The following BLVRB variants were observed in gnomAD, a reference collection of about 807,000 sequenced individuals.
BLVRB encodes the protein flavin reductase (NADPH).
In BLVRB, 25 loss-of-function variants were observed where a neutral mutation model predicts 21.1. The ratio of observed to expected loss-of-function variants is 1.19; its 90% CI spans 0.86 to 1.66. The LOEUF (loss-of-function observed/expected upper bound fraction) is 1.66. BLVRB is among the 40% of genes most tolerant of loss of function. BLVRB has a pLI of 0.00. For synonymous variants in BLVRB, 128 were observed against 122.2 expected (o/e 1.05, Z -0.31); for missense variants, 274 against 282.7 (o/e 0.97, Z 0.22).
intron 1 of BLVRB, among the ~76,000 whole-genome samples, chr19:40,460,520 A>T (rs1466331813): frequency 6.6e-6 from 1 of 151,000 alleles, no homozygotes; most frequent in Non-Finnish European, 1.5e-5. Context: ...AGTCTCAGCT[A>T]CTCAGGTGGC....
At chr19:40,448,077 A>C in intron 4 of BLVRB, 31 bp from the exon 5 acceptor site, 1 of 1,593,066 alleles carries the variant, frequency 6.3e-7, no homozygotes, top group Non-Finnish European at 8.6e-7. Flanking sequence ...GGGCTGGATA[A>C]AGCAGACACC....
chr19:40,459,972 G>T (rs1028348935), intron 1 of BLVRB, among the ~76,000 whole-genome samples: 1 of 152,108 alleles, frequency 6.6e-6, no homozygotes, highest in Admixed American at 6.6e-5. Flanking sequence ...TTCTGAGGGG[G>T]ACATGGGTTG....
chr19:40,455,575 G>A (rs547562134), intron 3 of BLVRB, among the ~76,000 whole-genome samples: 2 of 152,320 alleles, frequency 1.3e-5, no homozygotes, highest in African/African-American at 4.8e-5. Flanking sequence ...GCAGGCACCT[G>A]TAATCCCAGC....
intron 3 of BLVRB, among the ~76,000 whole-genome samples, chr19:40,452,400 C>G (rs1385990259): frequency 6.6e-6 from 1 of 152,024 alleles, no homozygotes; most frequent in African/African-American, 2.4e-5. Context: ...GCAGCCTTGA[C>G]TTTCTGGGCT....
chr19:40,462,824 G>A (rs572435879), intron 1 of BLVRB, among the ~76,000 whole-genome samples: 17 of 147,314 alleles, frequency 1.2e-4, no homozygotes, highest in Admixed American at 8.8e-4. Context: ...CTCGGGAGGC[G>A]GAGCTTGCAG....
chr19:40,448,155 G>T lies in BLVRB; in HGVS notation c.464-109C>A, dbSNP rs12459890. On this transcript the variant is annotated intron_variant, in intron 4 of 4. Coordinates refer to ENST00000263368, the MANE Select transcript of BLVRB (RefSeq NM_000713.3). Reference sequence around the variant, plus strand: ...GGGTGCCTACTGTGTGTCCAGCCTGGGTGGTGTCACAGCCAAGAATGGACT... The same window carrying T: ...GGGTGCCTACTGTGTGTCCAGCCTGTGTGGTGTCACAGCCAAGAATGGACT... The T allele has an allele frequency of 9.0e-3, 11,044 of 1,231,518 alleles. 621 individuals are homozygous for T. The Admixed American group carries it at 0.15, about 17-fold the overall frequency. The allele number at this position is 1,231,518 out of a possible 1,614,324, so 76.3% of individuals were successfully genotyped here.
rs563411888 is a variant in BLVRB at position 40,458,238 on chromosome 19, G to T, written c.251C>A (p.Thr84Lys). The change falls in exon 3 of 5, where the codon ACG (threonine) becomes AAG (lysine). Residue 84 changes from threonine (T) to lysine (K), a missense_variant. Coordinates refer to ENST00000263368, the MANE Select transcript of BLVRB (RefSeq NM_000713.3). ...LLGTRNDLSP[T>K]TVMSEGARNI... ...CCGGGCGCCCTCGGACATCACTGTC[G>T]TGGGACCTTAGAGGGGACAGAGAGT... 7 of 1,612,980 alleles carry T rather than the reference G, an allele frequency of 4.3e-6. No individual in the cohort carries two copies. The highest frequency in any genetic ancestry group is 3.3e-4 in the Middle Eastern group (2 of 6,070).
intron 3 of BLVRB, among the ~76,000 whole-genome samples, chr19:40,453,078 A>T (rs1453621503): frequency 1.3e-5 from 2 of 152,062 alleles, no homozygotes; most frequent in Admixed American, 6.6e-5. Context: ...AAAAAGAAAA[A>T]AACATTTTTT....
intron 1 of BLVRB, among the ~76,000 whole-genome samples, chr19:40,462,562 G>T (rs1315267919): frequency 6.7e-6 from 1 of 150,054 alleles, no homozygotes; most frequent in Admixed American, 6.6e-5. Flanking sequence ...ACAGGCGTGA[G>T]CCATGGTGCC....
intron 3 of BLVRB, among the ~76,000 whole-genome samples, chr19:40,455,140 C>T (rs1157182641): frequency 1.3e-5 from 2 of 152,138 alleles, no homozygotes; most frequent in Admixed American, 6.5e-5. Flanking sequence ...AGCCACTGTG[C>T]CTGGCCTTAC....
rs2145776728 is a variant in BLVRB at position 40,450,448 on chromosome 19, T to G, written c.463+916A>C. 2.8e-5 allele frequency: 4 copies of G among 145,416 alleles called. No individual in the cohort carries two copies. In the Middle Eastern group the frequency reaches 0.014, roughly 501 times the overall value. The allele number at this position is 145,416 out of a possible 1,614,324, so 9.0% of individuals were successfully genotyped here. On this transcript the variant is annotated intron_variant, in intron 4 of 4. Transcript: ENST00000263368. The stretch of plus-strand genomic sequence containing the variant: ...TTTCACCATGTTAGCCAGGATGGTC[T>G]CGATCTCCTGACCTTGTGATCTGCC...
chr19:40,459,044 C>G (rs574255866), intron 1 of BLVRB, among the ~76,000 whole-genome samples: 1 of 151,544 alleles, frequency 6.6e-6, no homozygotes, highest in African/African-American at 2.4e-5. Flanking sequence ...ATAGACCATA[C>G]CTTGGCCAGG....
At chr19:40,455,806 A>G (rs1021554553) in intron 3 of BLVRB, among the ~76,000 whole-genome samples, 6 of 152,150 alleles carry the variant, frequency 3.9e-5, no homozygotes, top group Non-Finnish European at 8.8e-5. Context: ...CACAATCACA[A>G]TTTTAAAATC....
At position 40,448,545 on chromosome 19, in the gene BLVRB, C is replaced by T. The variant is rs1191548042; in HGVS notation, c.464-499G>A. ...AGTTGAAGCTACAGTGAGCCATGAT[C>T]GTGACACTGCACTCCAGCCGGGACG... On this transcript the variant is annotated intron_variant, in intron 4 of 4. Coordinates refer to ENST00000263368, the MANE Select transcript of BLVRB (RefSeq NM_000713.3). 2.0e-5 allele frequency among the ~76,000 whole-genome samples: 3 copies of T among 149,580 alleles called. No individual in the cohort carries two copies. The Admixed American group carries it at 2.0e-4, about 10-fold the overall frequency.
intron 1 of BLVRB, among the ~76,000 whole-genome samples, chr19:40,461,796 G>C (rs570986226): frequency 2.0e-5 from 3 of 152,072 alleles, no homozygotes; most frequent in African/African-American, 7.2e-5. Flanking sequence ...CACTGCACCC[G>C]GCCCCAACTG....
intron 3 of BLVRB, among the ~76,000 whole-genome samples, chr19:40,456,826 A>T (rs2079764108): frequency 6.6e-6 from 1 of 151,966 alleles, no homozygotes; most frequent in African/African-American, 2.4e-5. Context: ...TCTTGGTCCC[A>T]GGCACCATGA....
At chr19:40,458,728 C>T (rs577546037) in intron 1 of BLVRB, among the ~76,000 whole-genome samples, 183 bp from the exon 2 acceptor site, 5 of 152,068 alleles carry the variant, frequency 3.3e-5, no homozygotes, top group Non-Finnish European at 5.9e-5. Context: ...GGGTCTTGCT[C>T]ACTTGCCCAG....
In BLVRB at chr19:40,447,830, G is replaced by A; in HGVS notation, c.*59C>T. ...TGAAGCTCTTGGCTCAACATTTATT[G>A]CCCCCTTCCTTTGCTCCTCATGTCC... On this transcript the variant is annotated 3_prime_UTR_variant, in exon 5 of 5. Transcript: ENST00000263368. 1.9e-6 allele frequency: 3 copies of A among 1,565,218 alleles called. No homozygotes were observed. Among genetic ancestry groups the A allele is most frequent in the Non-Finnish European group, 8.8e-7 (1 of 1,142,790 alleles).
chr19:40,460,580 C>T (rs2079782844), intron 1 of BLVRB, among the ~76,000 whole-genome samples: 1 of 151,250 alleles, frequency 6.6e-6, no homozygotes, highest in African/African-American at 2.4e-5. Context: ...GCCTGGGCTA[C>T]AGAACAAGAC....
Sources: gnomAD v4.1 joint callset for allele counts (sites outside exome capture counted in the v4.1 genomes callset) on GRCh38, gnomAD v4.1.1 for gene constraint, MANE v1.5 for transcripts, NCBI Gene and HGNC (gene_info 2026-07-23, HGNC 2026-07-21) for gene names.